UBE2V2: variants seen among roughly 807,000 people sequenced by gnomAD.
UBE2V2 encodes the protein ubiquitin-conjugating enzyme E2 variant 2.
UBE2V2 carries 9 observed loss-of-function variants against 17.2 expected under a neutral mutation model. The ratio of observed to expected loss-of-function variants is 0.52; its 90% CI spans 0.32 to 0.91. The LOEUF (loss-of-function observed/expected upper bound fraction) is 0.91. Ranked by LOEUF, UBE2V2 falls within the 40% of genes least tolerant of loss-of-function variation. The pLI is 0.04. For missense variants in UBE2V2, 133 were observed against 182.6 expected (o/e 0.73, Z 1.56); for synonymous variants, 61 against 57.5 (o/e 1.06, Z -0.28).
intron 1 of UBE2V2, among the ~76,000 whole-genome samples, chr8:48,010,863 A>G (rs528320103): frequency 3.2e-4 from 48 of 150,204 alleles, no homozygotes; most frequent in Non-Finnish European, 5.9e-4. Flanking sequence ...ACGCCCAGCA[A>G]ATTTTTTTGT....
At chr8:48,039,606 CTG>C (rs2154507624) in intron 1 of UBE2V2, among the ~76,000 whole-genome samples, 1 of 152,276 alleles carries the variant, frequency 6.6e-6, no homozygotes, top group Admixed American at 6.5e-5. Flanking sequence ...CTTTTTCAGT[CTG>C]TGGCTTATCT....
chr8:48,048,631 C>G (rs1585441739), intron 2 of UBE2V2, among the ~76,000 whole-genome samples: 1 of 152,210 alleles, frequency 6.6e-6, no homozygotes, highest in Admixed American at 6.5e-5. Context: ...TTTTATATAG[C>G]TCTTTTTTTC....
chr8:48,035,008 A>G (rs1188343535), intron 1 of UBE2V2: 7 of 984,526 alleles, frequency 7.1e-6, no homozygotes, highest in African/African-American at 5.3e-5. Flanking sequence ...GAATTCTTAC[A>G]TGATGGTTGG....
chr8:48,027,805 C>G (rs568888406), intron 1 of UBE2V2, among the ~76,000 whole-genome samples: 1 of 152,326 alleles, frequency 6.6e-6, no homozygotes, highest in East Asian at 1.9e-4. Context: ...TGGCCCTTTA[C>G]TGGCTATTTA....
the UBE2V2 span, among the ~76,000 whole-genome samples, chr8:48,002,871 C>T: frequency 1.3e-5 from 2 of 151,906 alleles, no homozygotes; most frequent in Admixed American, 1.3e-4. Flanking sequence ...TTGATTTAGC[C>T]ATTCCGTAAT....
At chr8:48,008,087 A>G (rs1020008356), upstream of UBE2V2, among the ~76,000 whole-genome samples, 4 of 151,560 alleles carry the variant, frequency 2.6e-5, no homozygotes, top group African/African-American at 9.7e-5. Context: ...ACGTCCGGCT[A>G]ATTTTTGTAT....
chr8:48,036,837 CTCAGGGTAT>C (rs1309937211), intron 1 of UBE2V2, among the ~76,000 whole-genome samples: 1 of 152,116 alleles, frequency 6.6e-6, no homozygotes, highest in Admixed American at 6.6e-5. Flanking sequence ...TAGATCAAAT[CTCAGGGTAT>C]TTGTGGTATC....
intron 1 of UBE2V2, among the ~76,000 whole-genome samples, chr8:48,012,262 TCTC>T (rs2091237912): frequency 6.6e-6 from 1 of 152,182 alleles, no homozygotes; most frequent in African/African-American, 2.4e-5. Context: ...CCAGCTAGGT[TCTC>T]CTTTTCCAAG....
At chr8:48,004,217 T>G (rs1463199520), upstream of UBE2V2, among the ~76,000 whole-genome samples, 1 of 152,132 alleles carries the variant, frequency 6.6e-6, no homozygotes, top group East Asian at 1.9e-4. Flanking sequence ...TCTCAATCAG[T>G]AAGGACATAA....
At chr8:48,036,192 C>G (rs1016492646) in intron 1 of UBE2V2, among the ~76,000 whole-genome samples, 4 of 150,930 alleles carry the variant, frequency 2.7e-5, no homozygotes, top group African/African-American at 9.7e-5. Flanking sequence ...TGGGCTCAAG[C>G]GATCCTCCCA....
chr8:48,034,153 C>T (rs1053092633), intron 1 of UBE2V2, among the ~76,000 whole-genome samples: 36 of 123,560 alleles, frequency 2.9e-4, no homozygotes, highest in African/African-American at 1.4e-3. Flanking sequence ...GATGGAGTCT[C>T]GCACTGTCAC....
chr8:48,011,764 C>A (rs1213562486), intron 1 of UBE2V2, among the ~76,000 whole-genome samples: 2 of 152,184 alleles, frequency 1.3e-5, no homozygotes, highest in Non-Finnish European at 2.9e-5. Context: ...GGTGATCCTC[C>A]TACCTCAGCC....
intron 2 of UBE2V2, 35 bp from the exon 3 acceptor site, chr8:48,049,818 T>C: frequency 6.3e-7 from 1 of 1,575,744 alleles, no homozygotes; most frequent in Non-Finnish European, 8.6e-7. Flanking sequence ...TTAGGTATTG[T>C]TATTTTGATT....
At chr8:48,033,684 G>T (rs2091400127) in intron 1 of UBE2V2, among the ~76,000 whole-genome samples, 3 of 151,946 alleles carry the variant, frequency 2.0e-5, no homozygotes, top group African/African-American at 7.3e-5. Flanking sequence ...TCATGGCTGG[G>T]TGCGGGCTCA....
chr8:48,037,348 T>C (rs116614500), intron 1 of UBE2V2, among the ~76,000 whole-genome samples: 1,733 of 152,370 alleles, frequency 0.011, 44 homozygotes, highest in African/African-American at 0.039. Context: ...AGCAAAGTGA[T>C]AGGATTTCTC....
At chr8:48,049,293 C>G (rs1250836033) in intron 2 of UBE2V2, among the ~76,000 whole-genome samples, 1 of 152,004 alleles carries the variant, frequency 6.6e-6, no homozygotes, top group African/African-American at 2.4e-5. Context: ...TTCTCTTTTG[C>G]TAGAAGTTAT....
At position 48,060,674 on chromosome 8, in the gene UBE2V2, C is replaced by T; in HGVS notation, c.292-8C>T. 1 of 1,476,418 alleles carries T rather than the reference C, an allele frequency of 6.8e-7. No individual in the cohort carries two copies. The highest frequency in any genetic ancestry group is 9.0e-7 in the Non-Finnish European group (1 of 1,113,392). 91.5% of individuals were successfully genotyped at this position (1,476,418 alleles called of 1,614,324 possible). ...GCTAGTTAACTGTACTCTTTCCTCCCCTTTCAGGTGGATGCCCGGAGCATA... is the reference window on the plus strand; with the variant it reads ...GCTAGTTAACTGTACTCTTTCCTCCTCTTTCAGGTGGATGCCCGGAGCATA... On this transcript the variant is annotated splice_polypyrimidine_tract_variant and splice_region_variant and intron_variant, in intron 3 of 3. Transcript: ENST00000523111.
chr8:48,035,078 GC>G, intron 1 of UBE2V2: 1 of 984,394 alleles, frequency 1.0e-6, no homozygotes, highest in Non-Finnish European at 1.2e-6. Flanking sequence ...GCCAGAACTG[GC>G]CTTAGCATTG....
At chr8:48,028,503 G>A (rs568014230) in intron 1 of UBE2V2, among the ~76,000 whole-genome samples, 7 of 151,834 alleles carry the variant, frequency 4.6e-5, no homozygotes, top group Non-Finnish European at 5.9e-5. Flanking sequence ...CACACCTGGC[G>A]AATTTTGTAT....
Sources: allele counts gnomAD v4.1 joint callset (sites outside exome capture counted in the v4.1 genomes callset), GRCh38; gene constraint gnomAD v4.1.1; transcripts MANE v1.5; gene names NCBI Gene and HGNC (gene_info 2026-07-23, HGNC 2026-07-21).